Variants in MDM1 observed in about 807,000 individuals in gnomAD.
MDM1 encodes stabilizer of axonemal microtubules 6, also known as Mdm1 nuclear protein.
A neutral mutation model predicts 89.1 loss-of-function variants in MDM1; 61 were observed. The observed-to-expected ratio is 0.68, with a 90% confidence interval of 0.56 to 0.85. The LOEUF (loss-of-function observed/expected upper bound fraction) is 0.85. MDM1 is among the 40% of genes least tolerant of loss of function. The probability of loss-of-function intolerance (pLI) is 0.00; values close to 1 mark genes in which losing one functional copy is unlikely to be tolerated. For missense variants in MDM1, 820 were observed against 846.5 expected, an observed-to-expected ratio of 0.97 and a Z score of 0.39; for synonymous variants, 290 against 294.1, an observed-to-expected ratio of 0.99 and a Z score of 0.14.
rs771365090 is a variant in MDM1, at chr12:68,321,359, G to A, written c.993C>T (p.Asn331=). The change falls in exon 7 of 15, where the codon AAC becomes AAT. Residue 331 remains asparagine, a synonymous_variant. Transcript: ENST00000682720. ...CATGTACACTCACCTGATTTGGCATGTTTCCCTTTACATGTGTCCAAGCCC... is the reference window on the plus strand; with the variant it reads ...CATGTACACTCACCTGATTTGGCATATTTCCCTTTACATGTGTCCAAGCCC... The part of the protein sequence containing the change: ...KAGAWTHVKG[N]MPNQGSLNAM... 6.2e-6 allele frequency: 10 copies of A among 1,613,184 alleles called. No homozygotes were observed. In the East Asian group the frequency reaches 2.2e-4, roughly 36 times the overall value.
chr12:68,327,311 A>G (rs1211319128), intron 2 of MDM1: 7 of 1,430,990 alleles, frequency 4.9e-6, no homozygotes, highest in Admixed American at 2.7e-5. Flanking sequence ...TAGAATTGCA[A>G]CGTGATAGAC....
chr12:68,296,269 G>C (rs1166909159), intron 14 of MDM1, among the ~76,000 whole-genome samples: 1 of 152,202 alleles, frequency 6.6e-6, no homozygotes. Context: ...GGAGGCCAAG[G>C]TGGGCGGATC....
chr12:68,324,096 C>T (rs1415241119), intron 4 of MDM1, among the ~76,000 whole-genome samples: 1 of 152,052 alleles, frequency 6.6e-6, no homozygotes, highest in Non-Finnish European at 1.5e-5. Context: ...TTGAACTAAC[C>T]ATGAGCATTT....
At chr12:68,317,580 T>C (rs1283461972) in intron 7 of MDM1, among the ~76,000 whole-genome samples, 1 of 151,828 alleles carries the variant, frequency 6.6e-6, no homozygotes, top group Non-Finnish European at 1.5e-5. Context: ...CCCAACAGAG[T>C]CCTACTCTAA....
chr12:68,332,008 C>T, intron 1 of MDM1: 1 of 710,638 alleles, frequency 1.4e-6, no homozygotes, highest in Non-Finnish European at 2.5e-6. Flanking sequence ...CACCATCTGA[C>T]TCTTCGACAC....
Position 68,295,160 on chromosome 12 carries a change from G to A in MDM1, c.*94C>T, listed in dbSNP as rs549165246. On this transcript the variant is annotated 3_prime_UTR_variant, in exon 15 of 15. Transcript: ENST00000682720. ...AATTAAATATTTCAAAGTAGAAAACGTTAGGAAAAACTTCACTCAAAAAAT... is the reference window on the plus strand; with the variant it reads ...AATTAAATATTTCAAAGTAGAAAACATTAGGAAAAACTTCACTCAAAAAAT... 3.8e-5 allele frequency: 28 copies of A among 729,338 alleles called. No homozygotes were observed. In the East Asian group the frequency reaches 7.0e-4, roughly 18 times the overall value. 45.2% of individuals were successfully genotyped at this position (729,338 alleles called of 1,614,324 possible).
chr12:68,322,904 T>G (rs1875421769), intron 5 of MDM1, among the ~76,000 whole-genome samples, 169 bp downstream of exon 5: 1 of 152,208 alleles, frequency 6.6e-6, no homozygotes. Flanking sequence ...GTATTCTCAG[T>G]ACCAACCCAT....
At chr12:68,301,245 G>C (rs1872113483) in intron 13 of MDM1, among the ~76,000 whole-genome samples, 1 of 152,158 alleles carries the variant, frequency 6.6e-6, no homozygotes, top group Non-Finnish European at 1.5e-5. Flanking sequence ...CAAGGAACTA[G>C]AGAAACAGGA....
chr12:68,328,045 T>C (rs902908181), intron 2 of MDM1, among the ~76,000 whole-genome samples: 7 of 152,202 alleles, frequency 4.6e-5, no homozygotes, highest in African/African-American at 1.4e-4. Flanking sequence ...AATCTCCTTT[T>C]TCCCACTTTA....
intron 12 of MDM1, among the ~76,000 whole-genome samples, chr12:68,311,044 C>G (rs552568835): frequency 6.6e-6 from 1 of 152,198 alleles, no homozygotes; most frequent in East Asian, 1.9e-4. Flanking sequence ...CCTATCACCT[C>G]TGCACTCTTC....
Position 68,296,985 on chromosome 12 carries a change from T to TAAA in MDM1, c.2003-6_2003-4dup, listed in dbSNP as rs748277745. 4 of 1,255,024 alleles carry TAAA rather than the reference T, an allele frequency of 3.2e-6. No homozygotes were observed. The highest frequency in any genetic ancestry group is 2.2e-5 in the Admixed American group (1 of 45,970). 77.7% of individuals were successfully genotyped at this position (1,255,024 alleles called of 1,614,324 possible). A position where few individuals can be genotyped will look rare whatever the true frequency, so the allele number is the denominator to read the frequency against. On this transcript the variant is annotated splice_region_variant and splice_polypyrimidine_tract_variant and intron_variant, in intron 13 of 14. Transcript: ENST00000682720. ...ATTGTTCATCCTTGCTTTTCCCACTTAAAAAAAAAAAGGCAGAATAAATTA... is the reference window on the plus strand; with the variant it reads ...ATTGTTCATCCTTGCTTTTCCCACTTAAAAAAAAAAAAAAGGCAGAATAAATTA...
At chr12:68,316,385 A>ACAGT (rs1453451353) in intron 8 of MDM1, 132 bp from the exon 9 acceptor site, 33 of 1,048,288 alleles carry the variant, frequency 3.1e-5, no homozygotes, top group Non-Finnish European at 3.9e-5. Context: ...TTAGCCACAT[A>ACAGT]CAGTCATCAG....
At chr12:68,316,351 G>T in intron 8 of MDM1, 98 bp from the exon 9 acceptor site, 1 of 1,352,978 alleles carries the variant, frequency 7.4e-7, no homozygotes, top group Non-Finnish European at 1.0e-6. Context: ...TACAGCCAGG[G>T]ACCAAAGACA....
chr12:68,331,324 A>G (rs1876784638), intron 1 of MDM1, 103 bp from the exon 2 acceptor site: 1 of 751,366 alleles, frequency 1.3e-6, no homozygotes, highest in African/African-American at 1.7e-5. Context: ...AAGAGACTTA[A>G]GACTGAAAAT....
chr12:68,325,279 ATAAG>A (rs1187410427), intron 4 of MDM1, 158 bp downstream of exon 4: 4 of 1,300,924 alleles, frequency 3.1e-6, no homozygotes, highest in Admixed American at 3.6e-5. Flanking sequence ...ACCATAAATC[ATAAG>A]TAATAGGATG....
Position 68,321,328 on chromosome 12 carries a change from T to C in MDM1, c.1005+19A>G, listed in dbSNP as rs200814207. On this transcript the variant is annotated intron_variant, in intron 7 of 14. Transcript: ENST00000682720. ...AGGCTGAAAGAACATGTAGGCTTAT[T>C]GAGGTCATGTACACTCACCTGATTT... 1 of 1,588,944 alleles carries C rather than the reference T, an allele frequency of 6.3e-7. No homozygotes were observed. Among genetic ancestry groups the C allele is most frequent in the Admixed American group, 1.8e-5 (1 of 56,980 alleles).
intron 13 of MDM1, among the ~76,000 whole-genome samples, chr12:68,300,898 T>C (rs554315327): frequency 1.5e-4 from 23 of 152,340 alleles, no homozygotes; most frequent in Admixed American, 7.8e-4. Context: ...TTTTCCAAAA[T>C]AGACCACATG....
At position 68,307,034 on chromosome 12, in the gene MDM1, C is replaced by A. The variant is rs1218063411; in HGVS notation, c.1750-4162G>T. Among the ~76,000 whole-genome samples the A allele has an allele frequency of 2.0e-5, 3 of 152,170 alleles. No individual in the cohort carries two copies. The East Asian group carries it at 5.8e-4, about 29-fold the overall frequency. On this transcript the variant is annotated intron_variant, in intron 12 of 14. Transcript: ENST00000682720. ...GCCATAAGAAAGAATGAAATCATGT[C>A]CACTGCAACAACATGGATGCAGCTG...
chr12:68,306,338 C>A (rs747950982), intron 12 of MDM1, among the ~76,000 whole-genome samples: 9 of 152,106 alleles, frequency 5.9e-5, no homozygotes, highest in Non-Finnish European at 1.3e-4. Flanking sequence ...AGAAAAAACT[C>A]TTCTGGACAT....
Sources: gnomAD v4.1 joint callset for allele counts (sites outside exome capture counted in the v4.1 genomes callset) on GRCh38, gnomAD v4.1.1 for gene constraint, MANE v1.5 for transcripts, NCBI Gene and HGNC (gene_info 2026-07-23, HGNC 2026-07-21) for gene names.